Variants in PARN observed in about 807,000 individuals in gnomAD.
PARN encodes poly(A)-specific ribonuclease PARN.
In PARN, 71 loss-of-function variants were observed where a neutral mutation model predicts 102.8. The ratio of observed to expected loss-of-function variants is 0.69; its 90% CI spans 0.57 to 0.84. The LOEUF (loss-of-function observed/expected upper bound fraction) is 0.84, where lower values mean the gene tolerates loss of function less well. Ranked by LOEUF, PARN falls within the 40% of genes least tolerant of loss-of-function variation. PARN has a pLI of 0.00. For missense variants in PARN, 782 were observed against 760.9 expected (o/e 1.03, Z -0.33); for synonymous variants, 261 against 252.9 (o/e 1.03, Z -0.30).
intron 6 of PARN, among the ~76,000 whole-genome samples, chr16:14,615,459 A>T (rs1409650180): frequency 1.3e-5 from 2 of 152,068 alleles, no homozygotes; most frequent in Non-Finnish European, 2.9e-5. Flanking sequence ...TGAGACGAAT[A>T]AAAAAAATTC....
chr16:14,621,435 C>T lies in PARN; in HGVS notation c.328-3785G>A, dbSNP rs138981487. Among the ~76,000 whole-genome samples, 270 of 152,298 alleles carry T rather than the reference C, an allele frequency of 1.8e-3. 1 individual carries two copies. The Middle Eastern group carries it at 0.044, about 25-fold the overall frequency. On this transcript the variant is annotated intron_variant, in intron 5 of 23. Coordinates refer to ENST00000437198, the MANE Select transcript of PARN (RefSeq NM_002582.4). The stretch of plus-strand genomic sequence containing the variant: ...TGGGTTGTACAATAGTGTCAATGTA[C>T]TTAATGCCACTGAGCTATACATTTA...
At chr16:14,515,547 A>T (rs1213543443) in intron 21 of PARN, among the ~76,000 whole-genome samples, 3 of 152,232 alleles carry the variant, frequency 2.0e-5, no homozygotes, top group African/African-American at 7.2e-5. Context: ...CCTACGGCCA[A>T]TGAATGCATG....
At chr16:14,551,143 G>A (rs535359099) in intron 21 of PARN, among the ~76,000 whole-genome samples, 62 of 151,880 alleles carry the variant, frequency 4.1e-4, no homozygotes, top group African/African-American at 1.5e-3. Flanking sequence ...TATTGGCCAG[G>A]CTCGTCTCGA....
At chr16:14,470,760 A>C (rs1354793226) in intron 22 of PARN, among the ~76,000 whole-genome samples, 1 of 151,972 alleles carries the variant, frequency 6.6e-6, no homozygotes, top group Non-Finnish European at 1.5e-5. Context: ...GGCCTGGCTG[A>C]GTTTGAATTA....
chr16:14,469,505 T>C (rs551430259), intron 22 of PARN, among the ~76,000 whole-genome samples: 6 of 152,354 alleles, frequency 3.9e-5, no homozygotes, highest in African/African-American at 4.8e-5. Flanking sequence ...TCAGAGATTC[T>C]TGAATGGCCA....
intron 18 of PARN, among the ~76,000 whole-genome samples, chr16:14,568,944 G>C (rs1351070123): frequency 1.3e-5 from 2 of 151,938 alleles, no homozygotes; most frequent in African/African-American, 4.8e-5. Context: ...GGGGACAGTG[G>C]CTCATGTCTG....
chr16:14,562,915 T>C (rs1968163770), intron 18 of PARN, among the ~76,000 whole-genome samples: 1 of 152,234 alleles, frequency 6.6e-6, no homozygotes, highest in African/African-American at 2.4e-5. Flanking sequence ...GATGACACAA[T>C]GGCTTGCCTT....
chr16:14,594,454 C>T (rs1404970602), intron 12 of PARN, among the ~76,000 whole-genome samples: 3 of 152,162 alleles, frequency 2.0e-5, no homozygotes, highest in Non-Finnish European at 2.9e-5. Flanking sequence ...TGGCTCACAC[C>T]TGTTAATCCC....
At chr16:14,567,735 T>G (rs979232662) in intron 18 of PARN, among the ~76,000 whole-genome samples, 3 of 152,190 alleles carry the variant, frequency 2.0e-5, no homozygotes, top group African/African-American at 4.8e-5. Context: ...TGAGAAGGGA[T>G]GTGCCCGGCA....
Position 14,610,632 on chromosome 16 carries a change from T to C in PARN, c.554+12A>G. 1 of 1,565,502 alleles carries C rather than the reference T, an allele frequency of 6.4e-7. No homozygotes were observed. Among genetic ancestry groups the C allele is most frequent in the African/African-American group, 1.4e-5 (1 of 74,034 alleles). On this transcript the variant is annotated intron_variant, in intron 7 of 23. Coordinates refer to ENST00000437198, the MANE Select transcript of PARN (RefSeq NM_002582.4). ...CACACAATGCACGCTTAGTTTTAAT[T>C]TAGGAACTTACACCACTTGGTCAAT...
At chr16:14,509,190 T>A (rs12444895) in intron 21 of PARN, among the ~76,000 whole-genome samples, 23,905 of 152,060 alleles carry the variant, frequency 0.16, 2,412 homozygotes, top group Middle Eastern at 0.27. Context: ...GTTTGAGAAG[T>A]TGCCTAAGAA....
chr16:14,522,631 C>A (rs1965794588), intron 21 of PARN, among the ~76,000 whole-genome samples: 1 of 152,116 alleles, frequency 6.6e-6, no homozygotes, highest in South Asian at 2.1e-4. Flanking sequence ...GTACAGGGGA[C>A]AATATCCAGA....
At chr16:14,530,316 C>T (rs1966254338) in intron 21 of PARN, among the ~76,000 whole-genome samples, 1 of 152,160 alleles carries the variant, frequency 6.6e-6, no homozygotes, top group African/African-American at 2.4e-5. Flanking sequence ...AGGGAGAGCT[C>T]TGCCAGTTAC....
At chr16:14,477,807 A>G (rs1963154872) in intron 22 of PARN, among the ~76,000 whole-genome samples, 1 of 151,680 alleles carries the variant, frequency 6.6e-6, no homozygotes, top group Non-Finnish European at 1.5e-5. Context: ...GAAAAGGGGG[A>G]AGGGAAGGGA....
intron 21 of PARN, among the ~76,000 whole-genome samples, chr16:14,498,476 G>A (rs1964430593): frequency 6.6e-6 from 1 of 152,092 alleles, no homozygotes; most frequent in Non-Finnish European, 1.5e-5. Context: ...ATGAACATGA[G>A]TCCTCTTCCT....
At chr16:14,628,288 T>C (rs761400806) in intron 2 of PARN, 37 bp from the exon 3 acceptor site, 4 of 1,163,154 alleles carry the variant, frequency 3.4e-6, no homozygotes, top group Admixed American at 1.9e-5. Context: ...AGCTTACTAA[T>C]AAATACTAAC....
At chr16:14,512,938 T>C (rs977852895) in intron 21 of PARN, among the ~76,000 whole-genome samples, 2 of 152,354 alleles carry the variant, frequency 1.3e-5, no homozygotes, top group East Asian at 1.9e-4. Context: ...ATCATTATTT[T>C]TGAGATGGAG....
At chr16:14,545,551 A>T (rs1212341226) in intron 21 of PARN, among the ~76,000 whole-genome samples, 1 of 152,248 alleles carries the variant, frequency 6.6e-6, no homozygotes, top group Admixed American at 6.5e-5. Context: ...ATAGCTTTAA[A>T]TGCTTCTGTT....
At chr16:14,625,545 TA>T (rs1404170426) in intron 5 of PARN, among the ~76,000 whole-genome samples, 1 of 152,162 alleles carries the variant, frequency 6.6e-6, no homozygotes, top group African/African-American at 2.4e-5. Flanking sequence ...AAGTATCCCA[TA>T]CCACGGTGAT....
Sources: gnomAD v4.1 joint callset for allele counts (sites outside exome capture counted in the v4.1 genomes callset) on GRCh38, gnomAD v4.1.1 for gene constraint, MANE v1.5 for transcripts, NCBI Gene and HGNC (gene_info 2026-07-23, HGNC 2026-07-21) for gene names.